Variants in CEP20 observed in about 807,000 individuals in gnomAD.
CEP20 encodes the protein FGFR1OP N-terminal like.
Under a neutral mutation model 20.0 loss-of-function variants are expected in CEP20, and 18 were observed. The ratio of observed to expected loss-of-function variants is 0.90; its 90% CI spans 0.62 to 1.34. CEP20 has a LOEUF of 1.34. Among genes scored for constraint, CEP20 ranks in the 40% most tolerant of loss-of-function variants. The pLI, the probability that CEP20 is intolerant of heterozygous loss-of-function variation, is 0.00. For missense variants in CEP20, 215 were observed against 201.6 expected, an observed-to-expected ratio of 1.07 and a Z score of -0.40; for synonymous variants, 77 against 73.7, an observed-to-expected ratio of 1.04 and a Z score of -0.23.
At chr16:15,868,307 C>T (rs895760826) in intron 4 of CEP20, among the ~76,000 whole-genome samples, 1 of 152,032 alleles carries the variant, frequency 6.6e-6, no homozygotes, top group Non-Finnish European at 1.5e-5. Flanking sequence ...CCTACAATCC[C>T]AGCTACTTGG....
At chr16:15,883,587 C>T (rs1333931998) in intron 2 of CEP20, among the ~76,000 whole-genome samples, 1 of 152,056 alleles carries the variant, frequency 6.6e-6, no homozygotes, top group South Asian at 2.1e-4. Context: ...AGGCTGGTCG[C>T]GAACTCCTGG....
intron 2 of CEP20, among the ~76,000 whole-genome samples, chr16:15,881,932 G>C (rs1356036654): frequency 6.6e-6 from 1 of 152,092 alleles, no homozygotes; most frequent in South Asian, 2.1e-4. Context: ...CCCGCTGCTA[G>C]AGTCTGGATA....
At chr16:15,874,109 C>T (rs1376137273) in intron 3 of CEP20, among the ~76,000 whole-genome samples, 2 of 152,150 alleles carry the variant, frequency 1.3e-5, no homozygotes, top group African/African-American at 4.8e-5. Flanking sequence ...GATTCTTAAC[C>T]TCTCCAGCCT....
chr16:15,887,242 T>C (rs2045267172), intron 1 of CEP20, among the ~76,000 whole-genome samples: 1 of 151,616 alleles, frequency 6.6e-6, no homozygotes, highest in Non-Finnish European at 1.5e-5. Flanking sequence ...ATATTACATG[T>C]GATGTGTATT....
At chr16:15,872,746 C>T (rs987917439) in intron 4 of CEP20, among the ~76,000 whole-genome samples, 1 of 151,552 alleles carries the variant, frequency 6.6e-6, no homozygotes, top group South Asian at 2.1e-4. Flanking sequence ...CAAAAAAATA[C>T]ATAAAAATTT....
At position 15,866,305 on chromosome 16, in the gene CEP20, C is replaced by T. The variant is rs2044677322; in HGVS notation, c.*1135G>A. The T allele has an allele frequency of 6.6e-6, 1 of 152,198 alleles. No homozygotes were observed. 9.4% of individuals were successfully genotyped at this position (152,198 alleles called of 1,614,324 possible). On this transcript the variant is annotated 3_prime_UTR_variant, in exon 5 of 5. Transcript: ENST00000255759. The stretch of plus-strand genomic sequence containing the variant: ...CTAAAGAGGATGCCAATTTTGCTAA[C>T]TACAGCTCTTACCACTCTTCTCCAT...
chr16:15,874,486 C>T (rs935785975), intron 3 of CEP20, among the ~76,000 whole-genome samples: 29 of 152,196 alleles, frequency 1.9e-4, no homozygotes, highest in African/African-American at 7.0e-4. Context: ...ATATTGTTTT[C>T]CTTACAGTGT....
At chr16:15,877,708 T>TC (rs1234127357) in intron 3 of CEP20, among the ~76,000 whole-genome samples, 1 of 151,990 alleles carries the variant, frequency 6.6e-6, no homozygotes, top group Non-Finnish European at 1.5e-5. Flanking sequence ...GCCCAGGAGT[T>TC]CGAGGCTGCA....
chr16:15,872,754 T>A (rs947222730), intron 4 of CEP20, among the ~76,000 whole-genome samples: 2 of 133,162 alleles, frequency 1.5e-5, no homozygotes, highest in Admixed American at 1.6e-4. Context: ...TACATAAAAA[T>A]TTATGTATTT....
chr16:15,882,778 T>TACACACACACACACACACACA (rs763098969), intron 2 of CEP20, among the ~76,000 whole-genome samples: 1 of 50,552 alleles, frequency 2.0e-5, no homozygotes, highest in Admixed American at 2.2e-4. Flanking sequence ...TATCTATCTA[T>TACACACACACACACACACACA]CTAGATACAC....
In CEP20 at chr16:15,873,968, C is replaced by T. The variant is rs545443052; in HGVS notation, c.312-341G>A. Among the ~76,000 whole-genome samples the T allele has an allele frequency of 2.0e-5, 3 of 152,318 alleles. No individual in the cohort carries two copies. In the South Asian group the frequency reaches 6.2e-4, roughly 32 times the overall value. Reference sequence around the variant, plus strand: ...TCCCAATACCTAACCCCATCTAATACACAACAGGTATTCAATAAACACCTC... The same window carrying T: ...TCCCAATACCTAACCCCATCTAATATACAACAGGTATTCAATAAACACCTC... On this transcript the variant is annotated intron_variant, in intron 3 of 4. Coordinates refer to ENST00000255759, the MANE Select transcript of CEP20 (RefSeq NM_144600.4).
intron 4 of CEP20, 59 bp from the exon 5 acceptor site, chr16:15,867,575 A>T: frequency 3.6e-6 from 4 of 1,100,164 alleles, no homozygotes; most frequent in Non-Finnish European, 5.4e-6. Context: ...ACAGATAGGT[A>T]GACATAGCTA....
chr16:15,873,019 G>C (rs2044857612), intron 4 of CEP20, among the ~76,000 whole-genome samples: 2 of 151,636 alleles, frequency 1.3e-5, no homozygotes, highest in Admixed American at 6.6e-5. Context: ...AGTATACCAA[G>C]GATCTAAGCT....
At chr16:15,881,777 C>A (rs2045103196) in intron 2 of CEP20, among the ~76,000 whole-genome samples, 1 of 152,074 alleles carries the variant, frequency 6.6e-6, no homozygotes, top group Admixed American at 6.6e-5. Flanking sequence ...AATATTCTCA[C>A]CACTCAATAA....
chr16:15,886,374 C>T (rs1008164577), intron 1 of CEP20, among the ~76,000 whole-genome samples: 33 of 152,176 alleles, frequency 2.2e-4, no homozygotes, highest in Admixed American at 1.2e-3. Flanking sequence ...ATCACCAGAT[C>T]AGAGTTTGTA....
rs915972645 is a variant in CEP20 at position 15,867,604 on chromosome 16, A to G, written c.449-88T>C. ...ATAGCTACAAATATCTTAGGATGTT[A>G]CATATTTAATATTCTATGAGTACTT... On this transcript the variant is annotated intron_variant, in intron 4 of 4. Transcript: ENST00000255759. 5 of 829,652 alleles carry G rather than the reference A, an allele frequency of 6.0e-6. No homozygotes were observed. In the African/African-American group the frequency reaches 6.8e-5, roughly 11 times the overall value. 51.4% of individuals were successfully genotyped at this position (829,652 alleles called of 1,614,324 possible).
At chr16:15,872,778 A>C (rs1383374370) in intron 4 of CEP20, among the ~76,000 whole-genome samples, 1 of 127,142 alleles carries the variant, frequency 7.9e-6, no homozygotes, top group Non-Finnish European at 1.6e-5. Flanking sequence ...TGTCTCAAAA[A>C]AATACATAAA....
At chr16:15,887,254 C>T (rs916670219) in intron 1 of CEP20, among the ~76,000 whole-genome samples, 1 of 150,204 alleles carries the variant, frequency 6.7e-6, no homozygotes, top group Non-Finnish European at 1.5e-5. Flanking sequence ...ATGTGTATTT[C>T]CCTGGGAACA....
At chr16:15,887,475 G>A (rs1423636794) in intron 1 of CEP20, among the ~76,000 whole-genome samples, 1 of 152,188 alleles carries the variant, frequency 6.6e-6, no homozygotes, top group Non-Finnish European at 1.5e-5. Flanking sequence ...ATTAAGACCT[G>A]GCGCTCCAGT....
Sources: gnomAD v4.1 joint callset for allele counts (sites outside exome capture counted in the v4.1 genomes callset) on GRCh38, gnomAD v4.1.1 for gene constraint, MANE v1.5 for transcripts, NCBI Gene and HGNC (gene_info 2026-07-23, HGNC 2026-07-21) for gene names.